Variants in RAB6A observed in about 807,000 individuals in gnomAD.
RAB6A encodes the protein ras-related protein Rab-6A.
Under a neutral mutation model 32.3 loss-of-function variants are expected in RAB6A, and 8 were observed. The observed-to-expected ratio is 0.25, with a 90% CI of 0.15 to 0.45. The LOEUF is 0.45. Ranked by LOEUF, RAB6A falls within the 20% of genes least tolerant of loss-of-function variation. The pLI is 1.00. For missense variants in RAB6A, 104 were observed against 249.4 expected (o/e 0.42, Z 3.93); for synonymous variants, 73 against 82.1 (o/e 0.89, Z 0.60).
chr11:73,688,012 C>T (rs71479535), intron 6 of RAB6A, among the ~76,000 whole-genome samples: 5,559 of 152,262 alleles, frequency 0.037, 149 homozygotes, highest in Middle Eastern at 0.071. Flanking sequence ...TATCAGGAGG[C>T]ACCTTATGCT....
At chr11:73,711,460 AGTACTCCTTTAAAAGGATGTTC>A (rs1176655258) in intron 5 of RAB6A, among the ~76,000 whole-genome samples, 5 of 152,182 alleles carry the variant, frequency 3.3e-5, no homozygotes, top group Non-Finnish European at 7.3e-5. Flanking sequence ...GTACCTGTCT[AGTACTCCTTTAAAAGGATGTTC>A]GTAAGTTTGT....
chr11:73,713,552 C>T (rs982798938), intron 5 of RAB6A, among the ~76,000 whole-genome samples: 3 of 141,584 alleles, frequency 2.1e-5, no homozygotes, highest in African/African-American at 5.2e-5. Context: ...TGGGAGACAG[C>T]GAGACTCCGT....
chr11:73,704,249 G>A (rs1320782704), intron 6 of RAB6A: 2 of 410,432 alleles, frequency 4.9e-6, no homozygotes, highest in Admixed American at 2.6e-5. Flanking sequence ...TGGGCATGGT[G>A]GTGTGTGCCT....
intron 2 of RAB6A, chr11:73,722,429 C>A (rs1946157013): frequency 7.0e-6 from 1 of 143,480 alleles, no homozygotes; most frequent in Non-Finnish European, 1.5e-5. Flanking sequence ...CTCAGTGCAG[C>A]CTCAACCTCC....
intron 1 of RAB6A, among the ~76,000 whole-genome samples, chr11:73,732,895 G>A (rs925685606): frequency 1.3e-5 from 2 of 151,206 alleles, no homozygotes; most frequent in African/African-American, 4.9e-5. Flanking sequence ...TCACTGCAAC[G>A]TCCACCTCCT....
chr11:73,682,193 C>T (rs778796734), intron 6 of RAB6A, among the ~76,000 whole-genome samples: 3 of 151,988 alleles, frequency 2.0e-5, no homozygotes, highest in Non-Finnish European at 4.4e-5. Flanking sequence ...TGTGGCGACA[C>T]GAGCTTGTAA....
chr11:73,680,065 T>A (rs940030223), intron 6 of RAB6A, among the ~76,000 whole-genome samples: 3 of 152,048 alleles, frequency 2.0e-5, no homozygotes, highest in Admixed American at 6.6e-5. Flanking sequence ...GCCACTGCAC[T>A]CCAGCCCGGG....
chr11:73,684,446 G>C (rs1482120146), intron 6 of RAB6A, among the ~76,000 whole-genome samples: 2 of 152,186 alleles, frequency 1.3e-5, no homozygotes, highest in Non-Finnish European at 2.9e-5. Context: ...TGTGATTACA[G>C]GCATGAGCCA....
intron 6 of RAB6A, among the ~76,000 whole-genome samples, chr11:73,683,626 C>T (rs1404797924): frequency 1.3e-5 from 2 of 151,646 alleles, no homozygotes; most frequent in Non-Finnish European, 2.9e-5. Flanking sequence ...AATCTCAGCT[C>T]GCCACAACCT....
chr11:73,735,347 A>G (rs1029639073), intron 1 of RAB6A, among the ~76,000 whole-genome samples: 1 of 152,224 alleles, frequency 6.6e-6, no homozygotes, highest in Admixed American at 6.6e-5. Flanking sequence ...CTACTCACTT[A>G]TATTTCTTCC....
At chr11:73,730,850 C>T (rs1946291314) in intron 1 of RAB6A, 27 bp from the exon 2 acceptor site, 1 of 1,577,980 alleles carries the variant, frequency 6.3e-7, no homozygotes, top group South Asian at 1.2e-5. Context: ...AAAAGATTTG[C>T]TCAGTGAACA....
chr11:73,684,788 T>C (rs531420381), intron 6 of RAB6A, among the ~76,000 whole-genome samples: 2 of 152,282 alleles, frequency 1.3e-5, no homozygotes, highest in South Asian at 4.1e-4. Flanking sequence ...TGTTCACAGA[T>C]AGAAAAGTAC....
intron 1 of RAB6A, among the ~76,000 whole-genome samples, chr11:73,757,129 AT>A (rs869261713): frequency 4.6e-4 from 14 of 30,298 alleles, no homozygotes; most frequent in African/African-American, 9.5e-4. Context: ...ATATATATAT[AT>A]TTTTTTTTTT....
chr11:73,720,390 C>T (rs1179452737), intron 3 of RAB6A, among the ~76,000 whole-genome samples: 1 of 151,930 alleles, frequency 6.6e-6, no homozygotes, highest in Non-Finnish European at 1.5e-5. Flanking sequence ...TCATGTTGGC[C>T]AAGCTGGTCT....
At chr11:73,717,634 G>T (rs1178725914) in intron 4 of RAB6A, among the ~76,000 whole-genome samples, 4 of 152,176 alleles carry the variant, frequency 2.6e-5, no homozygotes, top group African/African-American at 9.7e-5. Flanking sequence ...AGTAGAGATG[G>T]AGTTTCATCA....
At chr11:73,751,483 T>A (rs574019539) in intron 1 of RAB6A, among the ~76,000 whole-genome samples, 1 of 152,182 alleles carries the variant, frequency 6.6e-6, no homozygotes, top group African/African-American at 2.4e-5. Flanking sequence ...CCCATTGACT[T>A]AGGAATTGTC....
intron 1 of RAB6A, among the ~76,000 whole-genome samples, chr11:73,742,360 A>G (rs1401262004): frequency 6.6e-6 from 1 of 152,158 alleles, no homozygotes; most frequent in Non-Finnish European, 1.5e-5. Context: ...CTTGTCTCAA[A>G]CTCCTGGATT....
intron 5 of RAB6A, among the ~76,000 whole-genome samples, chr11:73,709,860 C>CATATATATACACATATACAT (rs71065027): frequency 6.8e-6 from 1 of 146,412 alleles, no homozygotes; most frequent in Non-Finnish European, 1.5e-5. Context: ...TACATATATA[C>CATATATATACACATATACAT]ATATATACAC....
chr11:73,706,651 T>C (rs1945850708), intron 6 of RAB6A, among the ~76,000 whole-genome samples: 1 of 151,996 alleles, frequency 6.6e-6, no homozygotes. Context: ...TAATGTGACA[T>C]CTCCCTATAT....
Sources: allele counts gnomAD v4.1 joint callset (sites outside exome capture counted in the v4.1 genomes callset), GRCh38; gene constraint gnomAD v4.1.1; transcripts MANE v1.5; gene names NCBI Gene and HGNC (gene_info 2026-07-23, HGNC 2026-07-21).